Variants in PTGER4 observed in about 807,000 individuals in gnomAD.
The protein encoded by PTGER4 is prostaglandin E2 receptor EP4 subtype.
In PTGER4, 11 loss-of-function variants were observed where a neutral mutation model predicts 33.2. The observed-to-expected ratio is 0.33, with a 90% CI of 0.21 to 0.55. PTGER4 has a LOEUF of 0.55. Among genes scored for constraint, PTGER4 ranks in the 20% least tolerant of loss-of-function variants. The pLI is 0.92. For missense variants in PTGER4, 481 were observed against 650.2 expected, an observed-to-expected ratio of 0.74 and a Z score of 2.83; for synonymous variants, 275 against 281.5, an observed-to-expected ratio of 0.98 and a Z score of 0.23.
chr5:40,693,273 G>T lies in PTGER4; in HGVS notation c.*895G>T. On this transcript the variant is annotated 3_prime_UTR_variant, in exon 3 of 3. Coordinates refer to ENST00000302472, the MANE Select transcript of PTGER4 (RefSeq NM_000958.3). The stretch of plus-strand genomic sequence containing the variant: ...TTTAAAAACATAACATAAATTTTTT[G>T]AAGTCTTTAATAAATAACCCATAAT... 1.0e-6 allele frequency: 1 copy of T among 977,256 alleles called. No homozygotes were observed. The highest frequency in any genetic ancestry group is 1.2e-6 in the Non-Finnish European group (1 of 822,440). 60.5% of individuals were successfully genotyped at this position (977,256 alleles called of 1,614,324 possible).
rs45567140 is a variant in PTGER4 at position 40,682,280 on chromosome 5, C to T, written c.867+420C>T. ...AACCTGAAATGTCAGGGATGGTGAT[C>T]TGTTCGTTGTAAACCATTTTTAAGG... On this transcript the variant is annotated intron_variant, in intron 2 of 2. Transcript: ENST00000302472. Among the ~76,000 whole-genome samples, 452 of 152,258 alleles carry T rather than the reference C, an allele frequency of 3.0e-3. 2 individuals are homozygous for T. The highest frequency in any genetic ancestry group is 0.01 in the African/African-American group (426 of 41,538).
Position 40,681,488 on chromosome 5 carries a change from C to G in PTGER4, c.495C>G (p.Tyr165Ter). The G allele has an allele frequency of 6.2e-7, 1 of 1,613,496 alleles. No individual in the cohort carries two copies. Among genetic ancestry groups the G allele is most frequent in the Non-Finnish European group, 8.5e-7 (1 of 1,180,044 alleles). Reference sequence around the variant, plus strand: ...GTCTCGGTAGCTCGCGGCTGCAGTACCCAGACACCTGGTGCTTCATCGACT... The same window carrying G: ...GTCTCGGTAGCTCGCGGCTGCAGTAGCCAGACACCTGGTGCTTCATCGACT... Reference protein sequence around the residue: ...NMGLGSSRLQYPDTWCFIDWT... With the variant: ...NMGLGSSRLQ The change falls in exon 2 of 3, where the codon TAC becomes TAG. Residue 165 changes from tyrosine to a stop codon, truncating the protein, a stop_gained. Coordinates refer to ENST00000302472, the MANE Select transcript of PTGER4 (RefSeq NM_000958.3). LOFTEE classifies it high-confidence loss of function. The surrounding 1 kb of genome is among the most constrained non-coding windows in gnomAD (Gnocchi z 9.8).
chr5:40,732,512 C>T, the PTGER4 span, among the ~76,000 whole-genome samples: 1 of 151,884 alleles, frequency 6.6e-6, no homozygotes, highest in South Asian at 2.1e-4. Flanking sequence ...TTTTTGTCTT[C>T]TCTTCTCTAA....
Position 40,691,893 on chromosome 5 carries a change from A to T in PTGER4, c.982A>T (p.Ile328Leu). ...TGTGAACCCCATCCTAGACCCCTGG[A>T]TATATATCCTCCTGAGAAAGACAGT... ...ASVNPILDPW[I>L]YILLRKTVLS... is the part of the protein sequence containing the mutation. The change falls in exon 3 of 3, where the codon ATA (isoleucine) becomes TTA (leucine). Residue 328 changes from isoleucine to leucine, a missense_variant. By Grantham distance (5) the Ile-to-Leu change is conservative (BLOSUM62 2). Coordinates refer to ENST00000302472, the MANE Select transcript of PTGER4 (RefSeq NM_000958.3). This position sits in a 1 kb window ranked among gnomAD's most constrained non-coding sequence, Gnocchi z 4.2. The T allele has an allele frequency of 1.2e-6, 2 of 1,614,248 alleles. No homozygotes were observed. Among genetic ancestry groups the T allele is most frequent in the South Asian group, 2.2e-5 (2 of 91,084 alleles).
chr5:40,680,961 G>T lies in PTGER4; in HGVS notation c.-33G>T, dbSNP rs1025374231. 53 of 1,573,852 alleles carry T rather than the reference G, an allele frequency of 3.4e-5. No individual in the cohort carries two copies. The highest frequency in any genetic ancestry group is 4.4e-5 in the Non-Finnish European group (51 of 1,159,370). ...TTCTACCATCCCCAGACCCAGCCTT[G>T]CACTCCAAGGCTGCGCACCGCCAGC... On this transcript the variant is annotated 5_prime_UTR_variant, in exon 2 of 3. Coordinates refer to ENST00000302472, the MANE Select transcript of PTGER4 (RefSeq NM_000958.3). This position sits in a 1 kb window ranked among gnomAD's most constrained non-coding sequence, Gnocchi z 5.5.
chr5:40,703,105 T>C, the PTGER4 span, among the ~76,000 whole-genome samples: 1 of 151,244 alleles, frequency 6.6e-6, no homozygotes, highest in Non-Finnish European at 1.5e-5. Context: ...CTGAAAGAAA[T>C]AGAGAAGCAG....
At chr5:40,686,078 A>G (rs1181094620) in intron 2 of PTGER4, among the ~76,000 whole-genome samples, 2 of 152,178 alleles carry the variant, frequency 1.3e-5, no homozygotes, top group Non-Finnish European at 2.9e-5. Flanking sequence ...TATTTCCACT[A>G]TTCTTTACTT....
At chr5:40,709,636 C>A in the PTGER4 span, among the ~76,000 whole-genome samples, 3 of 152,152 alleles carry the variant, frequency 2.0e-5, no homozygotes, top group Admixed American at 6.6e-5. Context: ...CCAATGCCAT[C>A]CCCATCAAGC....
At chr5:40,736,155 T>C in the PTGER4 span, among the ~76,000 whole-genome samples, 1 of 152,134 alleles carries the variant, frequency 6.6e-6, no homozygotes, top group African/African-American at 2.4e-5. Flanking sequence ...ATAATTACAA[T>C]GGAATGATGA....
rs199542450 is a variant in PTGER4 at position 40,681,682 on chromosome 5, C to A, written c.689C>A (p.Ala230Glu). Reference protein sequence around the residue: ...RTSLGTEQHHAAAAASVASRG... With the variant: ...RTSLGTEQHHEAAAASVASRG... ...TCGCTGGGCACCGAGCAGCACCACG[C>A]GGCCGCGGCCGCCTCGGTTGCCTCC... Residue 230 changes from alanine (A) to glutamate (E), a missense_variant, in exon 2 of 3, where the codon GCG (alanine) becomes GAG (glutamate). Ala to Glu is a moderately radical substitution (Grantham distance 107). Around this residue, in one of 7 missense-constraint regions of PTGER4, gnomAD observed 174 missense variants for 210.5 expected, o/e 0.83. Coordinates refer to ENST00000302472, the MANE Select transcript of PTGER4 (RefSeq NM_000958.3). The surrounding 1 kb of genome is among the most constrained non-coding windows in gnomAD (Gnocchi z 9.8). The A allele has an allele frequency of 2.0e-5, 32 of 1,570,738 alleles. No individual in the cohort carries two copies. The Admixed American group carries it at 2.7e-4, about 13-fold the overall frequency.
chr5:40,723,874 C>A, the PTGER4 span, among the ~76,000 whole-genome samples: 3 of 150,120 alleles, frequency 2.0e-5, no homozygotes, highest in South Asian at 6.3e-4. Flanking sequence ...CAAAAAAAAA[C>A]AAACAAACAA....
At chr5:40,704,165 A>G in the PTGER4 span, among the ~76,000 whole-genome samples, 2 of 152,178 alleles carry the variant, frequency 1.3e-5, no homozygotes, top group African/African-American at 4.8e-5. Flanking sequence ...CACCCTCAGG[A>G]TGCAAGGTTG....
the PTGER4 span, among the ~76,000 whole-genome samples, chr5:40,699,639 T>C: frequency 2.6e-5 from 4 of 152,120 alleles, no homozygotes; most frequent in African/African-American, 9.6e-5. Context: ...ATATCTAAAA[T>C]GGATAATCAT....
At chr5:40,730,353 T>C in the PTGER4 span, 1 of 1,609,730 alleles carries the variant, frequency 6.2e-7, no homozygotes, top group South Asian at 1.1e-5. Context: ...TCTGTGGTTG[T>C]TAAAGTTATA....
At chr5:40,682,047 A>T (rs957679060) in intron 2 of PTGER4, among the ~76,000 whole-genome samples, 187 bp downstream of exon 2, 16 of 151,572 alleles carry the variant, frequency 1.1e-4, no homozygotes, top group African/African-American at 3.9e-4. Flanking sequence ...CCCTAACGAG[A>T]TTTAGCAGGT....
downstream of PTGER4, among the ~76,000 whole-genome samples, chr5:40,695,710 G>A (rs913071462): frequency 4.8e-4 from 73 of 152,010 alleles, no homozygotes; most frequent in Middle Eastern, 3.4e-3. Flanking sequence ...GACTCCGTCG[G>A]AAAAAAGAAA....
At chr5:40,737,153 C>T in the PTGER4 span, among the ~76,000 whole-genome samples, 1 of 152,076 alleles carries the variant, frequency 6.6e-6, no homozygotes. Context: ...AAAAATCAGC[C>T]AGGCATGGTG....
At chr5:40,731,650 A>C in the PTGER4 span, among the ~76,000 whole-genome samples, 1 of 152,228 alleles carries the variant, frequency 6.6e-6, no homozygotes, top group African/African-American at 2.4e-5. Flanking sequence ...AACTGCCGCC[A>C]TAATTCAATT....
At chr5:40,734,502 AC>A in the PTGER4 span, among the ~76,000 whole-genome samples, 1 of 152,232 alleles carries the variant, frequency 6.6e-6, no homozygotes, top group Non-Finnish European at 1.5e-5. Flanking sequence ...AGTTCCATGG[AC>A]TACAACAGGG....
Sources: gnomAD v4.1 joint callset for allele counts (sites outside exome capture counted in the v4.1 genomes callset) on GRCh38, gnomAD v4.1.1 for gene constraint, gnomAD v4.1.1 regional missense constraint, Gnocchi (gnomAD v3.1) non-coding constraint, MANE v1.5 for transcripts, NCBI Gene and HGNC (gene_info 2026-07-23, HGNC 2026-07-21) for gene names.